KMO: variants seen among roughly 807,000 people sequenced by gnomAD.
KMO encodes kynurenine 3-monooxygenase, also known as kynurenine 3-hydroxylase.
A neutral mutation model predicts 57.8 loss-of-function variants in KMO; 24 were observed. The observed-to-expected ratio is 0.42, with a 90% CI of 0.30 to 0.58. The LOEUF (loss-of-function observed/expected upper bound fraction) is 0.58. KMO is among the 20% of genes least tolerant of loss of function. KMO has a pLI of 0.22. For missense variants in KMO, 483 were observed against 588.2 expected (o/e 0.82, Z 1.85); for synonymous variants, 210 against 193.6 (o/e 1.08, Z -0.70).
chr1:241,575,447 A>G (rs1421270190), intron 10 of KMO, among the ~76,000 whole-genome samples: 1 of 152,028 alleles, frequency 6.6e-6, no homozygotes, highest in Non-Finnish European at 1.5e-5. Flanking sequence ...TGTAACCCAG[A>G]GGTTTTGATA....
chr1:241,570,594 T>G (rs770162797), intron 10 of KMO, among the ~76,000 whole-genome samples: 1 of 151,876 alleles, frequency 6.6e-6, no homozygotes, highest in Admixed American at 6.6e-5. Context: ...ATGCTAAAAT[T>G]GAATGTGGAT....
intron 12 of KMO, among the ~76,000 whole-genome samples, chr1:241,589,605 G>A (rs1182435705): frequency 6.6e-6 from 1 of 152,152 alleles, no homozygotes; most frequent in East Asian, 1.9e-4. Flanking sequence ...TGTCCTAAAA[G>A]AAAGAGTAGG....
intron 2 of KMO, among the ~76,000 whole-genome samples, chr1:241,549,262 AAAGAAAGGAAGG>A (rs1661295092): frequency 7.6e-6 from 1 of 131,670 alleles, no homozygotes; most frequent in Non-Finnish European, 1.6e-5. Context: ...AGAAAGAAAG[AAAGAAAGGAAGG>A]AAGAAAGAAA....
At chr1:241,545,261 T>C (rs1027515344) in intron 1 of KMO, among the ~76,000 whole-genome samples, 6 of 152,242 alleles carry the variant, frequency 3.9e-5, no homozygotes, top group Admixed American at 2.0e-4. Context: ...ATATTGATTA[T>C]AGAATCACTC....
chr1:241,542,508 A>G (rs1660993885), intron 1 of KMO, among the ~76,000 whole-genome samples: 2 of 152,222 alleles, frequency 1.3e-5, no homozygotes, highest in African/African-American at 4.8e-5. Flanking sequence ...TTAATTTGCA[A>G]AATTATTTTG....
chr1:241,532,976 T>C (rs1660628993), intron 1 of KMO, among the ~76,000 whole-genome samples: 1 of 152,198 alleles, frequency 6.6e-6, no homozygotes, highest in East Asian at 1.9e-4. Context: ...TGTTCACTAG[T>C]TATATGAGTA....
intron 8 of KMO, 82 bp downstream of exon 8, chr1:241,565,140 T>C: frequency 1.2e-6 from 1 of 812,502 alleles, no homozygotes; most frequent in East Asian, 2.5e-5. Context: ...TTAGAATGTA[T>C]CTACCTAATT....
intron 5 of KMO, among the ~76,000 whole-genome samples, chr1:241,557,298 A>G (rs1661673998): frequency 1.3e-5 from 2 of 152,214 alleles, no homozygotes; most frequent in Admixed American, 1.3e-4. Flanking sequence ...TCCTCCCTTC[A>G]GCATTTGCAT....
intron 10 of KMO, among the ~76,000 whole-genome samples, chr1:241,574,551 T>C (rs753517393): frequency 1.3e-5 from 2 of 151,926 alleles, no homozygotes; most frequent in Non-Finnish European, 2.9e-5. Flanking sequence ...TTAATTCTGT[T>C]TATGTGATGT....
In KMO at chr1:241,592,289, T is replaced by A. The variant is rs115947259; in HGVS notation, c.*136T>A. ...TTATAATTAAACTGAATGTAGAGTATCTCTGTATGTTAATTGCAATTACTG... is the reference window on the plus strand; with the variant it reads ...TTATAATTAAACTGAATGTAGAGTAACTCTGTATGTTAATTGCAATTACTG... On this transcript the variant is annotated 3_prime_UTR_variant, in exon 15 of 15. Transcript: ENST00000366559. 1,536 of 667,416 alleles carry A rather than the reference T, an allele frequency of 2.3e-3. 16 individuals are homozygous for A. The African/African-American group carries it at 0.024, about 11-fold the overall frequency. The allele number at this position is 667,416 out of a possible 1,614,324, so 41.3% of individuals were successfully genotyped here.
chr1:241,560,759 A>G lies in KMO; in HGVS notation c.449+7A>G. ...GAATGATCACAGTGCTTGGGTAACT[A>G]CGGGTCAGGTTTTGGACTTCAGAGG... On this transcript the variant is annotated splice_region_variant and intron_variant, in intron 6 of 14. Transcript: ENST00000366559. The G allele has an allele frequency of 1.9e-6, 3 of 1,604,686 alleles. No individual in the cohort carries two copies. The highest frequency in any genetic ancestry group is 2.6e-6 in the Non-Finnish European group (3 of 1,171,392).
chr1:241,587,467 T>C (rs533935154), intron 11 of KMO, among the ~76,000 whole-genome samples: 1 of 149,532 alleles, frequency 6.7e-6, no homozygotes, highest in Admixed American at 6.7e-5. Flanking sequence ...CATCTAATAC[T>C]TTTTTTTTTG....
chr1:241,582,165 C>T (rs939039405), intron 10 of KMO, among the ~76,000 whole-genome samples: 1 of 152,022 alleles, frequency 6.6e-6, no homozygotes, highest in Admixed American at 6.6e-5. Context: ...ATGTTATTTG[C>T]TTATTTTTAC....
chr1:241,571,092 A>G (rs1224173903), intron 10 of KMO, among the ~76,000 whole-genome samples: 1 of 152,104 alleles, frequency 6.6e-6, no homozygotes, highest in Non-Finnish European at 1.5e-5. Context: ...TACTCTTGGC[A>G]TATAGAATTG....
chr1:241,549,585 G>T, intron 2 of KMO, 92 bp from the exon 3 acceptor site: 1 of 663,344 alleles, frequency 1.5e-6, no homozygotes, highest in Non-Finnish European at 2.7e-6. Context: ...ATGTGGTTCC[G>T]AATGAACCAG....
chr1:241,533,231 T>A (rs1660637209), intron 1 of KMO, among the ~76,000 whole-genome samples: 1 of 152,238 alleles, frequency 6.6e-6, no homozygotes. Context: ...TCAGCAGAAT[T>A]TCTGTTTCAG....
chr1:241,553,723 T>C (rs947876753), intron 4 of KMO, among the ~76,000 whole-genome samples: 23 of 152,196 alleles, frequency 1.5e-4, no homozygotes, highest in Non-Finnish European at 4.4e-5. Flanking sequence ...AAAAAAGCTT[T>C]ATAATTTGAA....
intron 4 of KMO, among the ~76,000 whole-genome samples, chr1:241,554,853 G>A (rs962542914): frequency 6.6e-6 from 1 of 151,282 alleles, no homozygotes; most frequent in Non-Finnish European, 1.5e-5. Context: ...GTGGTGGCAG[G>A]CACCTGTAAT....
chr1:241,540,827 G>A (rs952217620), intron 1 of KMO, among the ~76,000 whole-genome samples: 10 of 152,076 alleles, frequency 6.6e-5, no homozygotes, highest in African/African-American at 2.4e-4. Flanking sequence ...TGTTTGGGGG[G>A]CCGAGGCAGA....
Sources: allele counts gnomAD v4.1 joint callset (sites outside exome capture counted in the v4.1 genomes callset), GRCh38; gene constraint gnomAD v4.1.1; transcripts MANE v1.5; gene names NCBI Gene and HGNC (gene_info 2026-07-23, HGNC 2026-07-21).